The following TXNDC16 variants were observed in gnomAD, a reference collection of about 807,000 sequenced individuals.
The protein encoded by TXNDC16 is thioredoxin domain containing 16, also known as thioredoxin domain-containing protein 16.
In TXNDC16, 74 loss-of-function variants were observed where a neutral mutation model predicts 85.6. That is an observed-to-expected ratio of 0.86 (90% CI 0.72 to 1.05). TXNDC16 has a LOEUF of 1.05. Ranked by LOEUF, TXNDC16 falls within the 50% of genes least tolerant of loss-of-function variation. The pLI, the probability that TXNDC16 is intolerant of heterozygous loss-of-function variation, is 0.00. For synonymous variants in TXNDC16, 335 were observed against 326.5 expected (o/e 1.03, Z -0.28); for missense variants, 959 against 947.0 (o/e 1.01, Z -0.17).
At chr14:52,533,808 AG>A (rs1041035383) in intron 6 of TXNDC16, among the ~76,000 whole-genome samples, 7 of 152,142 alleles carry the variant, frequency 4.6e-5, no homozygotes, top group African/African-American at 1.7e-4. Flanking sequence ...AGGGAACAAA[AG>A]GGGTGTGGGG....
chr14:52,460,281 C>T (rs949389655), intron 16 of TXNDC16, among the ~76,000 whole-genome samples: 1 of 152,092 alleles, frequency 6.6e-6, no homozygotes, highest in African/African-American at 2.4e-5. Flanking sequence ...AGAGAAAACA[C>T]AAACAAATAG....
Position 52,470,611 on chromosome 14 carries a change from A to G in TXNDC16, c.1382T>C (p.Val461Ala). The G allele has an allele frequency of 6.2e-7, 1 of 1,614,020 alleles. No homozygotes were observed. The highest frequency in any genetic ancestry group is 8.5e-7 in the Non-Finnish European group (1 of 1,179,946). ...CATCTTTATGATAGGAAATTCAGTA[A>G]CATTTTGCTTAGTACATACATCAGA... ...DWSDVCTKQN[V>A]TEFPIIKMYK... Residue 461 changes from valine (V) to alanine (A), a missense_variant, in exon 15 of 21, where the codon GTT (valine) becomes GCT (alanine). Val to Ala is a moderately conservative substitution (Grantham distance 64). Transcript: ENST00000281741.
chr14:52,460,063 C>T (rs1007955444), intron 16 of TXNDC16, among the ~76,000 whole-genome samples: 4 of 152,062 alleles, frequency 2.6e-5, no homozygotes, highest in African/African-American at 4.8e-5. Context: ...CTGGAGAAAT[C>T]AGGCAAGAGA....
chr14:52,522,625 C>T (rs950212875), intron 6 of TXNDC16, among the ~76,000 whole-genome samples: 1 of 152,182 alleles, frequency 6.6e-6, no homozygotes, highest in African/African-American at 2.4e-5. Flanking sequence ...GTAGTGCAAG[C>T]TGTAGTATCC....
intron 16 of TXNDC16, among the ~76,000 whole-genome samples, chr14:52,457,952 T>C (rs2035570963): frequency 6.6e-6 from 1 of 152,124 alleles, no homozygotes; most frequent in Admixed American, 6.6e-5. Flanking sequence ...TCTTGCCAAG[T>C]GAAGGCCAAA....
chr14:52,440,535 T>C lies in TXNDC16; in HGVS notation c.2003+29A>G, dbSNP rs1424183181. 2.6e-6 allele frequency: 4 copies of C among 1,527,102 alleles called. No individual in the cohort carries two copies. In the South Asian group the frequency reaches 5.2e-5, roughly 20 times the overall value. The allele number at this position is 1,527,102 out of a possible 1,614,324, so 94.6% of individuals were successfully genotyped here. On this transcript the variant is annotated intron_variant, in intron 19 of 20. Coordinates refer to ENST00000281741, the MANE Select transcript of TXNDC16 (RefSeq NM_020784.3). ...AATAATTATTACTTTCTTTACCTCT[T>C]ACATATTAAAAAATAAACACATACT...
chr14:52,466,894 A>G (rs2035789733), intron 16 of TXNDC16, among the ~76,000 whole-genome samples: 1 of 152,000 alleles, frequency 6.6e-6, no homozygotes. Context: ...AAAAATAAAG[A>G]AAAACAATAA....
chr14:52,507,102 C>T (rs368318196), intron 9 of TXNDC16, among the ~76,000 whole-genome samples: 6 of 151,994 alleles, frequency 3.9e-5, no homozygotes, highest in Non-Finnish European at 7.4e-5. Context: ...GGTATTCAAT[C>T]AGGAAAAGAG....
chr14:52,500,285 T>A (rs1209295859), intron 9 of TXNDC16, among the ~76,000 whole-genome samples: 1 of 152,182 alleles, frequency 6.6e-6, no homozygotes, highest in East Asian at 1.9e-4. Flanking sequence ...TAAAAAAGAA[T>A]AAAATCCTGA....
At chr14:52,549,847 C>T (rs1260968433) in intron 1 of TXNDC16, among the ~76,000 whole-genome samples, 3 of 152,086 alleles carry the variant, frequency 2.0e-5, no homozygotes, top group Non-Finnish European at 4.4e-5. Context: ...CTGTGTTAGC[C>T]AAGATGGTCT....
chr14:52,523,431 T>G (rs2037257861), intron 6 of TXNDC16, among the ~76,000 whole-genome samples: 4 of 152,200 alleles, frequency 2.6e-5, no homozygotes, highest in Admixed American at 2.6e-4. Context: ...ATTTTTGTAT[T>G]ACATTTCTGT....
At chr14:52,501,230 A>G (rs1002613237) in intron 9 of TXNDC16, among the ~76,000 whole-genome samples, 1 of 152,168 alleles carries the variant, frequency 6.6e-6, no homozygotes, top group Non-Finnish European at 1.5e-5. Context: ...TTATATATCT[A>G]CAATTAGGTG....
chr14:52,552,053 G>C (rs1377813659), intron 1 of TXNDC16, among the ~76,000 whole-genome samples: 6 of 152,146 alleles, frequency 3.9e-5, no homozygotes. Context: ...TTTCACTTAA[G>C]AGCTCCGATT....
intron 6 of TXNDC16, among the ~76,000 whole-genome samples, chr14:52,531,159 T>TGGAACACTG (rs1237779317): frequency 8.5e-5 from 13 of 152,080 alleles, no homozygotes; most frequent in African/African-American, 3.1e-4. Context: ...AGCTAAAATA[T>TGGAACACTG]GGAACACTGA....
chr14:52,475,545 G>T (rs556616197), intron 14 of TXNDC16, among the ~76,000 whole-genome samples: 1 of 152,014 alleles, frequency 6.6e-6, no homozygotes, highest in Non-Finnish European at 1.5e-5. Context: ...TGTGACTGCC[G>T]GCTTTCCTCC....
intron 9 of TXNDC16, among the ~76,000 whole-genome samples, chr14:52,493,216 T>TATATATATTAC: frequency 3.4e-5 from 4 of 115,942 alleles, no homozygotes; most frequent in African/African-American, 1.1e-4. Flanking sequence ...TATATATATA[T>TATATATATTAC]ACACACACAC....
chr14:52,488,820 C>T (rs1260754912), intron 11 of TXNDC16, among the ~76,000 whole-genome samples: 5 of 98,780 alleles, frequency 5.1e-5, no homozygotes, highest in Non-Finnish European at 7.9e-5. Context: ...GGCGACAAGG[C>T]GAGACTCTGG....
chr14:52,528,026 C>CA lies in TXNDC16; in HGVS notation c.392+8692dup, dbSNP rs540288604. 4.9e-3 allele frequency among the ~76,000 whole-genome samples: 744 copies of CA among 152,126 alleles called. 19 individuals carry two copies. The highest frequency in any genetic ancestry group is 1.3e-3 in the Non-Finnish European group (86 of 67,976). On this transcript the variant is annotated intron_variant, in intron 6 of 20. Transcript: ENST00000281741. ...AAGGTACATAATTGACAATAATGGT[C>CA]AAAAAATATGTTTCAAATATTAACA...
chr14:52,504,667 G>A (rs1451048814), intron 9 of TXNDC16, among the ~76,000 whole-genome samples: 1 of 152,096 alleles, frequency 6.6e-6, no homozygotes, highest in Admixed American at 6.5e-5. Context: ...ATCAACTAAC[G>A]AGCAAAATAA....
Sources: allele counts gnomAD v4.1 joint callset (sites outside exome capture counted in the v4.1 genomes callset), GRCh38; gene constraint gnomAD v4.1.1; transcripts MANE v1.5; gene names NCBI Gene and HGNC (gene_info 2026-07-23, HGNC 2026-07-21).